MRPL54: variants seen among roughly 807,000 people sequenced by gnomAD.
MRPL54 encodes the protein large ribosomal subunit protein mL54.
MRPL54 carries 12 observed loss-of-function variants against 15.6 expected under a neutral mutation model. That is an observed-to-expected ratio of 0.77 (90% CI 0.49 to 1.24). The LOEUF (loss-of-function observed/expected upper bound fraction) is 1.24, where lower values mean the gene tolerates loss of function less well. Among genes scored for constraint, MRPL54 ranks in the 50% most tolerant of loss-of-function variants. MRPL54 has a pLI of 0.00. For synonymous variants in MRPL54, 91 were observed against 75.7 expected, an observed-to-expected ratio of 1.20 and a Z score of -1.05; for missense variants, 178 against 186.8, an observed-to-expected ratio of 0.95 and a Z score of 0.28.
At chr19:3,763,003 G>T (rs1049771983) in intron 1 of MRPL54, among the ~76,000 whole-genome samples, 185 bp downstream of exon 1, 1 of 152,262 alleles carries the variant, frequency 6.6e-6, no homozygotes, top group Non-Finnish European at 1.5e-5. Context: ...CGTCTGGCTC[G>T]GAGATACTGT....
chr19:3,764,151 T>C (rs1429710108), intron 1 of MRPL54, among the ~76,000 whole-genome samples: 1 of 151,352 alleles, frequency 6.6e-6, no homozygotes, highest in African/African-American at 2.4e-5. Flanking sequence ...GGCGCAATCT[T>C]GGCTCACTGC....
At chr19:3,763,413 C>T (rs954344606) in intron 1 of MRPL54, among the ~76,000 whole-genome samples, 1 of 152,142 alleles carries the variant, frequency 6.6e-6, no homozygotes, top group African/African-American at 2.4e-5. Context: ...TTCCAAGCAT[C>T]GGTGTTACTT....
intron 2 of MRPL54, among the ~76,000 whole-genome samples, chr19:3,766,883 G>A (rs946053484): frequency 2.6e-5 from 4 of 152,308 alleles, no homozygotes; most frequent in African/African-American, 7.2e-5. Context: ...TGAGGAGGGC[G>A]AGAGAGGGAG....
intron 1 of MRPL54, among the ~76,000 whole-genome samples, chr19:3,763,617 A>T (rs1036055371): frequency 5.4e-5 from 8 of 149,360 alleles, no homozygotes; most frequent in Admixed American, 4.7e-4. Flanking sequence ...TGTTTGTATA[A>T]AAAAAAAAAA....
At chr19:3,763,506 G>GCATC (rs938004138) in intron 1 of MRPL54, among the ~76,000 whole-genome samples, 1 of 152,068 alleles carries the variant, frequency 6.6e-6, no homozygotes, top group African/African-American at 2.4e-5. Context: ...CAGGCATGAT[G>GCATC]GCTCACACCT....
chr19:3,763,591 C>A (rs2037171915), intron 1 of MRPL54, among the ~76,000 whole-genome samples: 1 of 146,750 alleles, frequency 6.8e-6, no homozygotes, highest in Non-Finnish European at 1.5e-5. Context: ...CCAGCCTGGG[C>A]AACATAGCAG....
chr19:3,767,541 T>C lies in MRPL54; in HGVS notation c.*148T>C, dbSNP rs566386404. ...GCTGGACCAGGGCCCTGGAGGCCAA[T>C]AAAGAGCTTTCTGGGTAGACCCTAT... On this transcript the variant is annotated 3_prime_UTR_variant, in exon 3 of 3. Coordinates refer to ENST00000330133, the MANE Select transcript of MRPL54 (RefSeq NM_172251.3). 116 of 1,120,640 alleles carry C rather than the reference T, an allele frequency of 1.0e-4. No individual in the cohort carries two copies. Among genetic ancestry groups the C allele is most frequent in the Non-Finnish European group, 1.3e-4 (105 of 803,530 alleles). The allele number at this position is 1,120,640 out of a possible 1,614,324, so 69.4% of individuals were successfully genotyped here. A position where few individuals can be genotyped will look rare whatever the true frequency, so the allele number is the denominator to read the frequency against.
chr19:3,763,863 G>A (rs2037174273), intron 1 of MRPL54, among the ~76,000 whole-genome samples: 1 of 151,688 alleles, frequency 6.6e-6, no homozygotes, highest in African/African-American at 2.4e-5. Flanking sequence ...AGTGAGCCGA[G>A]ATCACGCCAC....
At chr19:3,765,927 T>C (rs980750860) in intron 2 of MRPL54, among the ~76,000 whole-genome samples, 25 of 150,588 alleles carry the variant, frequency 1.7e-4, no homozygotes, top group African/African-American at 6.1e-4. Flanking sequence ...TTTTTTTTTC[T>C]TCTATATGGA....
At chr19:3,764,895 G>A (rs1044592592) in intron 1 of MRPL54, among the ~76,000 whole-genome samples, 48 of 152,014 alleles carry the variant, frequency 3.2e-4, no homozygotes, top group Middle Eastern at 3.4e-3. Flanking sequence ...GGGCGTGGTG[G>A]TGGGCGCCTG....
intron 1 of MRPL54, 45 bp downstream of exon 1, chr19:3,762,863 G>C (rs1323436479): frequency 1.4e-6 from 2 of 1,440,394 alleles, no homozygotes; most frequent in African/African-American, 2.9e-5. Flanking sequence ...TGGGTGCACT[G>C]AGGAATTGAC....
intron 1 of MRPL54, among the ~76,000 whole-genome samples, chr19:3,764,312 T>C (rs776319074): frequency 5.9e-5 from 9 of 152,042 alleles, no homozygotes; most frequent in Non-Finnish European, 1.3e-4. Flanking sequence ...CTCAACCTCC[T>C]GACCTCGTGA....
intron 1 of MRPL54, 108 bp downstream of exon 1, chr19:3,762,926 G>A (rs2037164563): frequency 3.1e-6 from 3 of 977,646 alleles, no homozygotes; most frequent in Non-Finnish European, 4.4e-6. Context: ...CGCAAGCGCA[G>A]AGAGGCGGAT....
At position 3,765,256 on chromosome 19, in the gene MRPL54, CAT is replaced by C. The variant is rs764221389; in HGVS notation, c.212_213del (p.Tyr71CysfsTer20). 3 of 1,614,074 alleles carry C rather than the reference CAT, an allele frequency of 1.9e-6. No individual in the cohort carries two copies. The highest frequency in any genetic ancestry group is 3.3e-5 in the Admixed American group (2 of 60,006). On this transcript the variant is annotated frameshift_variant, in exon 2 of 3. Coordinates refer to ENST00000330133, the MANE Select transcript of MRPL54 (RefSeq NM_172251.3). LOFTEE classifies it high-confidence loss of function. ...TGCACAGATCCTGTCCAGCTCACCA[CAT>C]ATGCCATGGGCGTCAACATCTACAA...
intron 1 of MRPL54, 62 bp downstream of exon 1, chr19:3,762,880 C>T (rs1599180425): frequency 1.5e-6 from 2 of 1,336,180 alleles, no homozygotes; most frequent in Non-Finnish European, 2.0e-6. Flanking sequence ...TGACAGTGCG[C>T]AGGCGGTGGT....
intron 2 of MRPL54, 45 bp from the exon 3 acceptor site, chr19:3,767,216 C>T: frequency 6.3e-7 from 1 of 1,583,270 alleles, no homozygotes; most frequent in South Asian, 1.1e-5. Flanking sequence ...CCAGGGAGCC[C>T]AGGGGTCACC....
chr19:3,764,450 T>C (rs1336757420), intron 1 of MRPL54, among the ~76,000 whole-genome samples: 1 of 147,646 alleles, frequency 6.8e-6, no homozygotes, highest in African/African-American at 2.5e-5. Flanking sequence ...CTCTGTAACC[T>C]AGGCTGGAGT....
At chr19:3,762,992 G>A (rs553661239) in intron 1 of MRPL54, among the ~76,000 whole-genome samples, 174 bp downstream of exon 1, 6 of 152,390 alleles carry the variant, frequency 3.9e-5, no homozygotes, top group Admixed American at 3.3e-4. Context: ...TGGAGCTCGG[G>A]CGTCTGGCTC....
chr19:3,763,426 T>C (rs1004562357), intron 1 of MRPL54, among the ~76,000 whole-genome samples: 2 of 152,168 alleles, frequency 1.3e-5, no homozygotes, highest in African/African-American at 4.8e-5. Context: ...TGTTACTTAA[T>C]GCTATGTCCA....
Sources: gnomAD v4.1 joint callset for allele counts (sites outside exome capture counted in the v4.1 genomes callset) on GRCh38, gnomAD v4.1.1 for gene constraint, MANE v1.5 for transcripts, NCBI Gene and HGNC (gene_info 2026-07-23, HGNC 2026-07-21) for gene names.